The following GRM7 variants were observed in gnomAD, a reference collection of about 807,000 sequenced individuals.
GRM7 encodes metabotropic glutamate receptor 7.
In GRM7, 35 loss-of-function variants were observed where a neutral mutation model predicts 84.5. The ratio of observed to expected loss-of-function variants is 0.41; its 90% CI spans 0.32 to 0.55. GRM7 has a LOEUF of 0.55. Among genes scored for constraint, GRM7 ranks in the 20% least tolerant of loss-of-function variants. GRM7 has a pLI of 0.19. For synonymous variants in GRM7, 487 were observed against 455.1 expected, an observed-to-expected ratio of 1.07 and a Z score of -0.89; for missense variants, 1,003 against 1,194.6, an observed-to-expected ratio of 0.84 and a Z score of 2.36.
intron 1 of GRM7, among the ~76,000 whole-genome samples, chr3:6,980,502 C>G (rs755471600): frequency 1.3e-5 from 2 of 152,168 alleles, no homozygotes; most frequent in African/African-American, 4.8e-5. Flanking sequence ...CTCTAGCTCT[C>G]CTCTGTGAAA....
intron 1 of GRM7, among the ~76,000 whole-genome samples, chr3:6,917,613 G>A (rs1010738836): frequency 2.0e-5 from 3 of 151,726 alleles, no homozygotes; most frequent in Non-Finnish European, 4.4e-5. Flanking sequence ...TAATTTTGTG[G>A]CTTGGGCTAA....
intron 4 of GRM7, among the ~76,000 whole-genome samples, chr3:7,333,270 C>T (rs1701279718): frequency 6.6e-6 from 1 of 152,186 alleles, no homozygotes; most frequent in South Asian, 2.1e-4. Context: ...CTACCTCCAC[C>T]TGAGCAGGTG....
chr3:7,432,407 G>A (rs926645311), intron 5 of GRM7, among the ~76,000 whole-genome samples: 2 of 152,220 alleles, frequency 1.3e-5, no homozygotes, highest in African/African-American at 4.8e-5. Flanking sequence ...TGCAACCTCT[G>A]CCTCCTGGGT....
At position 6,935,677 on chromosome 3, in the gene GRM7, A is replaced by AATTATTATTATT. The variant is rs57669228; in HGVS notation, c.519+73795_519+73806dup. ...CTTTGATTTCTGTTTCTTATTTTTAAATTATTATTATTATTATTATTATTA... is the reference window on the plus strand; with the variant it reads ...CTTTGATTTCTGTTTCTTATTTTTAAATTATTATTATTATTATTATTATTATTATTATTATTA... On this transcript the variant is annotated intron_variant, in intron 1 of 9. Transcript: ENST00000357716. Among the ~76,000 whole-genome samples the AATTATTATTATT allele has an allele frequency of 9.9e-3, 1,413 of 142,426 alleles. 27 individuals carry two copies. Among genetic ancestry groups the AATTATTATTATT allele is most frequent in the African/African-American group, 0.035 (1,332 of 38,120 alleles). 93.4% of individuals were successfully genotyped at this position (142,426 alleles called of 152,430 possible).
chr3:7,643,016 G>T lies in GRM7; in HGVS notation c.2452-37033G>T, dbSNP rs534100461. 2.0e-4 allele frequency among the ~76,000 whole-genome samples: 31 copies of T among 152,226 alleles called. No individual in the cohort carries two copies. In the East Asian group the frequency reaches 6.0e-3, roughly 29 times the overall value. On this transcript the variant is annotated intron_variant, in intron 8 of 9. Coordinates refer to ENST00000357716, the MANE Select transcript of GRM7 (RefSeq NM_000844.4). ...GTAAGAGAATCAAGGAGATTCCCAA[G>T]TCTCCTGAGTCCTTAAGACGGGGCT...
At chr3:7,276,249 GTA>G (rs879488767) in intron 2 of GRM7, among the ~76,000 whole-genome samples, 3,927 of 143,506 alleles carry the variant, frequency 0.027, 57 homozygotes, top group East Asian at 0.032. Context: ...GTGTGTGTGT[GTA>G]TATATAATTG....
At chr3:7,014,044 TG>T (rs1695476878) in intron 1 of GRM7, among the ~76,000 whole-genome samples, 1 of 152,108 alleles carries the variant, frequency 6.6e-6, no homozygotes, top group Admixed American at 6.6e-5. Context: ...GATTTTTTGG[TG>T]GGGGCAAGAA....
intron 4 of GRM7, among the ~76,000 whole-genome samples, chr3:7,315,037 C>A (rs183011510): frequency 1.7e-3 from 256 of 151,008 alleles, no homozygotes; most frequent in African/African-American, 5.8e-3. Context: ...TTTTTTTTAA[C>A]CTTATATTCA....
At chr3:7,728,601 C>G (rs1702210321) in intron 9 of GRM7, among the ~76,000 whole-genome samples, 2 of 152,150 alleles carry the variant, frequency 1.3e-5, no homozygotes, top group Non-Finnish European at 2.9e-5. Flanking sequence ...GAGCACAGGA[C>G]TATCTTTATT....
rs60876510 is a variant in GRM7, at chr3:7,504,594, C to A, written c.1515+42872C>A. On this transcript the variant is annotated intron_variant, in intron 7 of 9. Coordinates refer to ENST00000357716, the MANE Select transcript of GRM7 (RefSeq NM_000844.4). ...CTTGCCATAACATGGCAGAGAGCAT[C>A]ACATGATAAGAAAAGGCAAGAGCAA... 8.9e-4 allele frequency among the ~76,000 whole-genome samples: 136 copies of A among 152,304 alleles called. 1 individual carries two copies. Among genetic ancestry groups the A allele is most frequent in the African/African-American group, 3.1e-3 (129 of 41,566 alleles).
chr3:6,930,652 G>A (rs1256608491), intron 1 of GRM7, among the ~76,000 whole-genome samples: 1 of 152,062 alleles, frequency 6.6e-6, no homozygotes, highest in African/African-American at 2.4e-5. Context: ...AACATTTTTG[G>A]CAGACTGACT....
intron 1 of GRM7, among the ~76,000 whole-genome samples, chr3:7,065,246 G>C (rs190246032): frequency 1.3e-5 from 2 of 151,764 alleles, no homozygotes; most frequent in African/African-American, 2.4e-5. Context: ...TTGGGTTCTT[G>C]GTCATGAAGT....
intron 1 of GRM7, among the ~76,000 whole-genome samples, chr3:6,900,848 C>A (rs749359999): frequency 2.0e-5 from 3 of 152,116 alleles, no homozygotes; most frequent in Non-Finnish European, 4.4e-5. Context: ...TTTAACACAC[C>A]ACGACCTAGC....
chr3:7,573,791 A>G (rs1414491316), intron 7 of GRM7, among the ~76,000 whole-genome samples: 1 of 152,214 alleles, frequency 6.6e-6, no homozygotes, highest in Non-Finnish European at 1.5e-5. Flanking sequence ...TTCTCAGGAG[A>G]CAAATAGAAA....
At chr3:6,992,262 A>G (rs372751937) in intron 1 of GRM7, among the ~76,000 whole-genome samples, 1 of 152,354 alleles carries the variant, frequency 6.6e-6, no homozygotes, top group South Asian at 2.1e-4. Flanking sequence ...TACTTATTGC[A>G]TCTCTACATA....
At chr3:7,686,914 TACACATTCCTAAAAAAGTATCCATTGAAA>T (rs1189471235) in intron 9 of GRM7, among the ~76,000 whole-genome samples, 1 of 152,218 alleles carries the variant, frequency 6.6e-6, no homozygotes, top group Non-Finnish European at 1.5e-5. Context: ...CAAAGAAGTG[TACACATTCCTAAAAAAGTATCCATTGAAA>T]TAGCAACAAA....
At chr3:7,179,643 T>C (rs565624515) in intron 2 of GRM7, among the ~76,000 whole-genome samples, 1 of 152,226 alleles carries the variant, frequency 6.6e-6, no homozygotes, top group Non-Finnish European at 1.5e-5. Context: ...TGACCTCTCC[T>C]GCCCTACAGA....
At chr3:7,270,272 C>T (rs539692497) in intron 2 of GRM7, among the ~76,000 whole-genome samples, 1 of 152,264 alleles carries the variant, frequency 6.6e-6, no homozygotes, top group East Asian at 1.9e-4. Flanking sequence ...ATTATGTTAA[C>T]ACTTACATGT....
intron 8 of GRM7, among the ~76,000 whole-genome samples, chr3:7,635,771 T>A (rs889875558): frequency 1.3e-5 from 2 of 152,148 alleles, no homozygotes; most frequent in Admixed American, 6.5e-5. Context: ...ACCTGGGGAC[T>A]CAAGCGATCT....
Sources: allele counts gnomAD v4.1 joint callset (sites outside exome capture counted in the v4.1 genomes callset), GRCh38; gene constraint gnomAD v4.1.1; transcripts MANE v1.5; gene names NCBI Gene and HGNC (gene_info 2026-07-23, HGNC 2026-07-21).